DCLK1: variants seen among roughly 807,000 people sequenced by gnomAD.
The protein encoded by DCLK1 is serine/threonine-protein kinase DCLK1.
In DCLK1, 16 loss-of-function variants were observed where a neutral mutation model predicts 86.2. That is an observed-to-expected ratio of 0.19 (90% CI 0.13 to 0.28). The LOEUF is 0.28. DCLK1 is among the 10% of genes least tolerant of loss of function. The pLI is 1.00. For missense variants in DCLK1, 590 were observed against 940.2 expected (o/e 0.63, Z 4.87); for synonymous variants, 369 against 370.5 (o/e 1.00, Z 0.05).
intron 5 of DCLK1, chr13:35,855,361 A>T (rs1355887978): frequency 3.2e-6 from 2 of 630,518 alleles, no homozygotes; most frequent in Non-Finnish European, 5.4e-6. Flanking sequence ...GGTTTTATAA[A>T]GATGTATCAG....
chr13:35,969,590 A>C (rs1369928859), intron 3 of DCLK1, among the ~76,000 whole-genome samples: 4 of 152,166 alleles, frequency 2.6e-5, no homozygotes, highest in Non-Finnish European at 5.9e-5. Context: ...GTGATACTTT[A>C]TTAAGGCAGC....
chr13:35,803,018 C>T (rs1426696071), intron 15 of DCLK1, among the ~76,000 whole-genome samples: 1 of 152,150 alleles, frequency 6.6e-6, no homozygotes, highest in Non-Finnish European at 1.5e-5. Context: ...TGACAATGTC[C>T]ATATTGTACC....
chr13:35,945,176 A>G (rs907571385), intron 4 of DCLK1, among the ~76,000 whole-genome samples: 1 of 152,200 alleles, frequency 6.6e-6, no homozygotes, highest in Admixed American at 6.5e-5. Flanking sequence ...CTGGGTTTAC[A>G]GGCGTGAGCC....
At chr13:35,940,329 T>C (rs1036322592) in intron 4 of DCLK1, among the ~76,000 whole-genome samples, 6 of 151,578 alleles carry the variant, frequency 4.0e-5, no homozygotes, top group Non-Finnish European at 8.8e-5. Context: ...AAGGGTCACA[T>C]CTGACCTAAG....
chr13:36,084,343 C>G (rs530181116), intron 3 of DCLK1, among the ~76,000 whole-genome samples: 2 of 152,286 alleles, frequency 1.3e-5, no homozygotes, highest in Admixed American at 6.5e-5. Context: ...AGCTGAGCGT[C>G]TGATTTTTCA....
intron 5 of DCLK1, among the ~76,000 whole-genome samples, chr13:35,858,355 C>T (rs1221888697): frequency 2.6e-5 from 4 of 152,152 alleles, no homozygotes; most frequent in Non-Finnish European, 5.9e-5. Flanking sequence ...ACACTTTGAA[C>T]GGAAGCACCT....
intron 11 of DCLK1, among the ~76,000 whole-genome samples, chr13:35,816,097 G>A (rs537528674): frequency 1.3e-5 from 2 of 152,254 alleles, no homozygotes; most frequent in African/African-American, 4.8e-5. Context: ...CACAAAACAT[G>A]CACATTCCGG....
At chr13:36,109,157 C>T (rs1885518795) in intron 3 of DCLK1, among the ~76,000 whole-genome samples, 1 of 152,192 alleles carries the variant, frequency 6.6e-6, no homozygotes, top group East Asian at 1.9e-4. Flanking sequence ...TCATCCAATT[C>T]CTCTGCAGCT....
At chr13:36,004,660 C>T (rs1377008027) in intron 3 of DCLK1, among the ~76,000 whole-genome samples, 7 of 152,188 alleles carry the variant, frequency 4.6e-5, no homozygotes, top group Middle Eastern at 3.4e-3. Flanking sequence ...GGTGCAATCT[C>T]GGCCTCCGGG....
intron 3 of DCLK1, among the ~76,000 whole-genome samples, chr13:36,007,508 T>C (rs1209539123): frequency 6.6e-6 from 1 of 152,162 alleles, no homozygotes; most frequent in East Asian, 1.9e-4. Flanking sequence ...CTTGGGGTTG[T>C]GAGTAGAGAT....
At chr13:35,796,538 G>A (rs539501577) in intron 15 of DCLK1, among the ~76,000 whole-genome samples, 12 of 152,180 alleles carry the variant, frequency 7.9e-5, no homozygotes, top group Non-Finnish European at 1.6e-4. Context: ...GCAGGGCGAG[G>A]AAGGTGACAC....
chr13:35,816,660 A>T (rs894389621), intron 11 of DCLK1, among the ~76,000 whole-genome samples: 3 of 152,188 alleles, frequency 2.0e-5, no homozygotes, highest in South Asian at 2.1e-4. Context: ...TACACAGCAA[A>T]TAAGTGGCAG....
intron 4 of DCLK1, among the ~76,000 whole-genome samples, chr13:35,905,791 C>A (rs921536342): frequency 1.3e-5 from 2 of 151,260 alleles, no homozygotes; most frequent in Non-Finnish European, 1.5e-5. Flanking sequence ...ACTAAAAATC[C>A]AAAAAAAGTA....
At chr13:35,836,333 T>TAAAGATACTAA (rs1869378442) in intron 7 of DCLK1, among the ~76,000 whole-genome samples, 192 bp from the exon 8 acceptor site, 1 of 152,076 alleles carries the variant, frequency 6.6e-6, no homozygotes, top group African/African-American at 2.4e-5. Flanking sequence ...CTAAGACAAA[T>TAAAGATACTAA]GATAAAATAA....
intron 3 of DCLK1, among the ~76,000 whole-genome samples, chr13:35,986,931 C>T (rs1305085910): frequency 6.6e-6 from 1 of 152,190 alleles, no homozygotes; most frequent in African/African-American, 2.4e-5. Context: ...GGAAAGTTTC[C>T]TCACTGCAAG....
At chr13:36,086,171 A>T (rs955165671) in intron 3 of DCLK1, among the ~76,000 whole-genome samples, 1 of 152,182 alleles carries the variant, frequency 6.6e-6, no homozygotes, top group Non-Finnish European at 1.5e-5. Context: ...CTGTTTACCC[A>T]TCTGACATCA....
At chr13:36,022,428 A>G (rs1283083065) in intron 3 of DCLK1, among the ~76,000 whole-genome samples, 2 of 152,140 alleles carry the variant, frequency 1.3e-5, no homozygotes, top group Non-Finnish European at 2.9e-5. Flanking sequence ...AGACATAAAT[A>G]AAATACAGAA....
At chr13:35,846,792 A>G in intron 6 of DCLK1, 1 of 985,242 alleles carries the variant, frequency 1.0e-6, no homozygotes, top group Non-Finnish European at 1.2e-6. Context: ...ATGCATATAT[A>G]GTAAATTCAT....
At chr13:35,973,005 C>A (rs2066448) in intron 3 of DCLK1, among the ~76,000 whole-genome samples, 23,120 of 152,194 alleles carry the variant, frequency 0.15, 2,072 homozygotes, top group East Asian at 0.22. Flanking sequence ...TAATAACCCA[C>A]TTGCCTGAGT....
Sources: gnomAD v4.1 joint callset for allele counts (sites outside exome capture counted in the v4.1 genomes callset) on GRCh38, gnomAD v4.1.1 for gene constraint, MANE v1.5 for transcripts, NCBI Gene and HGNC (gene_info 2026-07-23, HGNC 2026-07-21) for gene names.